CREB5: variants seen among roughly 807,000 people sequenced by gnomAD.
The protein encoded by CREB5 is cAMP responsive element binding protein 5, also known as cyclic AMP-responsive element-binding protein 5.
Under a neutral mutation model 57.1 loss-of-function variants are expected in CREB5, and 19 were observed. That is an observed-to-expected ratio of 0.33 (90% CI 0.23 to 0.49). CREB5 has a LOEUF of 0.49. Ranked by LOEUF, CREB5 falls within the 20% of genes least tolerant of loss-of-function variation. The pLI is 0.99. For synonymous variants in CREB5, 238 were observed against 238.3 expected (o/e 1.00, Z 0.01); for missense variants, 579 against 671.6 (o/e 0.86, Z 1.52).
intron 1 of CREB5, among the ~76,000 whole-genome samples, chr7:28,315,838 A>G (rs1785368227): frequency 6.6e-6 from 1 of 152,178 alleles, no homozygotes; most frequent in Non-Finnish European, 1.5e-5. Flanking sequence ...CTATTGCCAG[A>G]GTCGGGCTCT....
chr7:28,790,424 AAGAAAGAGAGAG>A (rs1807594538), intron 7 of CREB5, among the ~76,000 whole-genome samples: 2 of 114,568 alleles, frequency 1.7e-5, no homozygotes, highest in African/African-American at 3.7e-5. Context: ...AGAAGAAAGA[AAGAAAGAGAGAG>A]AGAGAGAGAG....
chr7:28,707,992 C>T (rs1802207100), intron 5 of CREB5, among the ~76,000 whole-genome samples: 1 of 152,160 alleles, frequency 6.6e-6, no homozygotes, highest in African/African-American at 2.4e-5. Context: ...GGAACCTTCT[C>T]CAAATTCTCC....
At chr7:28,682,680 A>AGG (rs1347224624) in intron 5 of CREB5, among the ~76,000 whole-genome samples, 1 of 121,584 alleles carries the variant, frequency 8.2e-6, no homozygotes, top group African/African-American at 4.1e-5. Context: ...CAAACCTAAA[A>AGG]GTGGGGGGGG....
intron 5 of CREB5, among the ~76,000 whole-genome samples, chr7:28,689,427 C>CTGGGCG (rs1801128964): frequency 6.6e-6 from 1 of 152,072 alleles, no homozygotes; most frequent in African/African-American, 2.4e-5. Flanking sequence ...GAGATCGAGC[C>CTGGGCG]ACTGTACTCC....
chr7:28,708,804 G>A (rs1802258216), intron 5 of CREB5, among the ~76,000 whole-genome samples: 1 of 152,156 alleles, frequency 6.6e-6, no homozygotes. Context: ...AATGGGGGTG[G>A]GGCTCTCCGT....
At chr7:28,569,752 T>G in intron 4 of CREB5, among the ~76,000 whole-genome samples, 2 of 152,192 alleles carry the variant, frequency 1.3e-5, no homozygotes. Flanking sequence ...ATGGATTTTA[T>G]GAAAATACAG....
At chr7:28,720,061 A>G (rs987346732) in intron 6 of CREB5, among the ~76,000 whole-genome samples, 1 of 152,240 alleles carries the variant, frequency 6.6e-6, no homozygotes, top group African/African-American at 2.4e-5. Flanking sequence ...CTCCGTCTCA[A>G]AAAACAAACA....
At chr7:28,727,930 CTGTTTGTTTGTTTGTT>C (rs112375352) in intron 7 of CREB5, among the ~76,000 whole-genome samples, 1 of 151,056 alleles carries the variant, frequency 6.6e-6, no homozygotes, top group Non-Finnish European at 1.5e-5. Context: ...GATATTGTCC[CTGTTTGTTTGTTTGTT>C]TGTTTGTTTG....
chr7:28,688,709 C>T (rs1017027582), intron 5 of CREB5, among the ~76,000 whole-genome samples: 1 of 152,096 alleles, frequency 6.6e-6, no homozygotes, highest in African/African-American at 2.4e-5. Context: ...CTCAATTGCG[C>T]ACAGGGAAGG....
At chr7:28,318,458 C>T (rs1785419809) in intron 1 of CREB5, among the ~76,000 whole-genome samples, 1 of 152,248 alleles carries the variant, frequency 6.6e-6, no homozygotes, top group Non-Finnish European at 1.5e-5. Flanking sequence ...AATATGTTTA[C>T]TGCATGCCTT....
chr7:28,554,990 C>T (rs949158977), intron 4 of CREB5, among the ~76,000 whole-genome samples: 1 of 152,138 alleles, frequency 6.6e-6, no homozygotes, highest in African/African-American at 2.4e-5. Flanking sequence ...AGACCATAAG[C>T]ACCCCATTCT....
intron 1 of CREB5, among the ~76,000 whole-genome samples, chr7:28,439,091 C>T (rs776008556): frequency 5.9e-5 from 9 of 152,170 alleles, no homozygotes; most frequent in Non-Finnish European, 1.2e-4. Context: ...AACCCCAAAC[C>T]GAACCAAACC....
At chr7:28,742,304 C>T (rs376431710) in intron 7 of CREB5, among the ~76,000 whole-genome samples, 94 of 151,940 alleles carry the variant, frequency 6.2e-4, no homozygotes, top group African/African-American at 2.0e-3. Flanking sequence ...CGGTGGCTCA[C>T]GCCTGTAATC....
chr7:28,356,559 T>C (rs1305987787), intron 1 of CREB5, among the ~76,000 whole-genome samples: 1 of 152,214 alleles, frequency 6.6e-6, no homozygotes, highest in Non-Finnish European at 1.5e-5. Flanking sequence ...CGTGATAACC[T>C]ACCCTCACCT....
At chr7:28,783,705 T>G (rs1210940889) in intron 7 of CREB5, among the ~76,000 whole-genome samples, 1 of 152,098 alleles carries the variant, frequency 6.6e-6, no homozygotes, top group Non-Finnish European at 1.5e-5. Context: ...CTTGGGTAAA[T>G]CCATTGCAAT....
At chr7:28,538,884 A>G (rs1679203733) in intron 4 of CREB5, among the ~76,000 whole-genome samples, 1 of 152,228 alleles carries the variant, frequency 6.6e-6, no homozygotes, top group Non-Finnish European at 1.5e-5. Flanking sequence ...TTCAAGTCCA[A>G]ACATTTAGGT....
chr7:28,647,865 G>A (rs929893142), intron 5 of CREB5, among the ~76,000 whole-genome samples: 1 of 152,068 alleles, frequency 6.6e-6, no homozygotes, highest in Non-Finnish European at 1.5e-5. Flanking sequence ...AGGATCTCTT[G>A]AGCCCGGGAG....
At chr7:28,514,996 A>G (rs1205884277) in intron 4 of CREB5, among the ~76,000 whole-genome samples, 1 of 152,170 alleles carries the variant, frequency 6.6e-6, no homozygotes, top group Non-Finnish European at 1.5e-5. Flanking sequence ...AATATTGCAG[A>G]GTAAAATAGT....
chr7:28,682,991 C>G (rs1398480207), intron 5 of CREB5, among the ~76,000 whole-genome samples: 2 of 152,172 alleles, frequency 1.3e-5, no homozygotes, highest in African/African-American at 4.8e-5. Context: ...CTGCGCGGTA[C>G]CCACCACCCT....
Sources: gnomAD v4.1 joint callset for allele counts (sites outside exome capture counted in the v4.1 genomes callset) on GRCh38, gnomAD v4.1.1 for gene constraint, MANE v1.5 for transcripts, NCBI Gene and HGNC (gene_info 2026-07-23, HGNC 2026-07-21) for gene names.